Variants in PRR5L observed in about 807,000 individuals in gnomAD.
PRR5L encodes proline rich 5 like, also known as proline-rich protein 5-like.
Under a neutral mutation model 36.4 loss-of-function variants are expected in PRR5L, and 21 were observed. The ratio of observed to expected loss-of-function variants is 0.58; its 90% CI spans 0.41 to 0.83. The LOEUF (loss-of-function observed/expected upper bound fraction) is 0.83, where lower values mean the gene tolerates loss of function less well. Ranked by LOEUF, PRR5L falls within the 40% of genes least tolerant of loss-of-function variation. PRR5L has a pLI of 0.00. For synonymous variants in PRR5L, 188 were observed against 197.0 expected (o/e 0.95, Z 0.38); for missense variants, 381 against 473.3 (o/e 0.80, Z 1.81).
intron 3 of PRR5L, among the ~76,000 whole-genome samples, chr11:36,406,076 G>T (rs916492090): frequency 2.0e-5 from 3 of 151,710 alleles, no homozygotes; most frequent in African/African-American, 7.3e-5. Context: ...CTTATGTTGG[G>T]AGAAGGATTA....
chr11:36,401,333 G>T (rs755059207), intron 2 of PRR5L, 48 bp downstream of exon 2: 9 of 1,579,008 alleles, frequency 5.7e-6, no homozygotes, highest in Non-Finnish European at 7.7e-6. Context: ...AAGGGCCATG[G>T]CAGGGAGGGA....
Position 36,462,336 on chromosome 11 carries a change from T to C in PRR5L, c.713-6T>C. On this transcript the variant is annotated splice_region_variant and splice_polypyrimidine_tract_variant and intron_variant, in intron 8 of 8. Transcript: ENST00000530639. ...ATAACAGTCTTTGCTGATTTTTCTC[T>C]TGCAGCCAGGCGGCACTCCAGGGTC... 6.7e-7 allele frequency: 1 copy of C among 1,491,644 alleles called. No individual in the cohort carries two copies. The highest frequency in any genetic ancestry group is 8.9e-7 in the Non-Finnish European group (1 of 1,121,064). The allele number at this position is 1,491,644 out of a possible 1,614,324, so 92.4% of individuals were successfully genotyped here.
At chr11:36,440,706 G>A (rs331476) in intron 6 of PRR5L, among the ~76,000 whole-genome samples, 151,097 of 152,270 alleles carry the variant, frequency 0.99, 74,977 homozygotes, top group East Asian at 1. Flanking sequence ...GTAATTTATA[G>A]AGAAAAGAGG....
intron 1 of PRR5L, among the ~76,000 whole-genome samples, chr11:36,329,770 T>A (rs951206808): frequency 1.3e-5 from 2 of 152,226 alleles, no homozygotes; most frequent in Non-Finnish European, 2.9e-5. Context: ...CAGACTTCAC[T>A]TGTAGTCCCT....
chr11:36,408,959 A>G (rs1193176438), intron 3 of PRR5L, among the ~76,000 whole-genome samples: 1 of 152,116 alleles, frequency 6.6e-6, no homozygotes, highest in Admixed American at 6.5e-5. Context: ...TGCTCTGCCC[A>G]GTACTGGGCT....
At chr11:36,300,597 C>T (rs1489568963) in intron 1 of PRR5L, among the ~76,000 whole-genome samples, 2 of 151,992 alleles carry the variant, frequency 1.3e-5, no homozygotes, top group African/African-American at 4.8e-5. Context: ...CCTTCTAGCT[C>T]CCAGGAGGTA....
chr11:36,417,460 G>T (rs929016023), intron 3 of PRR5L, among the ~76,000 whole-genome samples: 1 of 152,180 alleles, frequency 6.6e-6, no homozygotes, highest in Non-Finnish European at 1.5e-5. Context: ...TCTTAGTCCA[G>T]TGGCTTTTGA....
At chr11:36,373,590 C>T (rs925518766) in intron 1 of PRR5L, among the ~76,000 whole-genome samples, 6 of 145,256 alleles carry the variant, frequency 4.1e-5, no homozygotes, top group African/African-American at 1.6e-4. Flanking sequence ...GAGAGCAAGA[C>T]TCTGTTTTAA....
rs1405497735 is a variant in PRR5L at position 36,341,054 on chromosome 11, C to T, written c.-126+44616C>T. Reference sequence around the variant, plus strand: ...GTAATCCATCTCCATCCCAGATTCTCTCCGGGAAAGGCAGGCAGATGGAGA... The same window carrying T: ...GTAATCCATCTCCATCCCAGATTCTTTCCGGGAAAGGCAGGCAGATGGAGA... On this transcript the variant is annotated intron_variant, in intron 1 of 8. Coordinates refer to ENST00000530639, the MANE Select transcript of PRR5L (RefSeq NM_001160167.2). Among the ~76,000 whole-genome samples, 11 of 152,164 alleles carry T rather than the reference C, an allele frequency of 7.2e-5. 1 individual carries two copies. Among genetic ancestry groups the T allele is most frequent in the Admixed American group, 7.2e-4 (11 of 15,276 alleles).
intron 1 of PRR5L, among the ~76,000 whole-genome samples, chr11:36,340,687 C>A (rs761450177): frequency 6.6e-6 from 1 of 152,162 alleles, no homozygotes; most frequent in Non-Finnish European, 1.5e-5. Context: ...TGTCTCTGCT[C>A]TAAAAGGAGA....
rs1246640372 is a variant in PRR5L at position 36,351,691 on chromosome 11, TTATA to T, written c.-125-49302_-125-49299del. On this transcript the variant is annotated intron_variant, in intron 1 of 8. Coordinates refer to ENST00000530639, the MANE Select transcript of PRR5L (RefSeq NM_001160167.2). ...TTTATATACTTATATATTTATATAT[TTATA>T]TATTTATATATTTATTTATATATTT... 6.5e-5 allele frequency among the ~76,000 whole-genome samples: 3 copies of T among 45,802 alleles called. 1 individual carries two copies. The highest frequency in any genetic ancestry group is 1.2e-4 in the Non-Finnish European group (3 of 25,142). The allele number at this position is 45,802 out of a possible 152,430, so 30.0% of individuals were successfully genotyped here. A position where few individuals can be genotyped will look rare whatever the true frequency, so the allele number is the denominator to read the frequency against.
intron 1 of PRR5L, among the ~76,000 whole-genome samples, chr11:36,352,347 T>C (rs1395265713): frequency 7.1e-6 from 1 of 140,018 alleles, no homozygotes; most frequent in East Asian, 2.0e-4. Context: ...CATTAGCCCT[T>C]TTTCAGATGT....
intron 1 of PRR5L, among the ~76,000 whole-genome samples, chr11:36,337,975 G>C (rs1856784694): frequency 6.6e-6 from 1 of 152,166 alleles, no homozygotes; most frequent in Non-Finnish European, 1.5e-5. Context: ...TGTGCCTCAT[G>C]ATCTAAGATG....
chr11:36,351,611 T>TTATATATTTATATATTTATATAAA (rs1565408945), intron 1 of PRR5L, among the ~76,000 whole-genome samples: 1,504 of 17,196 alleles, frequency 0.087, 335 homozygotes, highest in South Asian at 0.094. Flanking sequence ...AAATATATAT[T>TTATATATTTATATATTTATATAAA]TATATATTTA....
chr11:36,451,428 A>C (rs1858942990), intron 8 of PRR5L, 93 bp downstream of exon 8: 1 of 1,459,624 alleles, frequency 6.9e-7, no homozygotes, highest in African/African-American at 1.4e-5. Flanking sequence ...CACTGATACC[A>C]GCACTGTTTA....
chr11:36,455,816 A>T (rs1277063017), intron 8 of PRR5L, among the ~76,000 whole-genome samples: 1 of 152,194 alleles, frequency 6.6e-6, no homozygotes, highest in East Asian at 1.9e-4. Flanking sequence ...GTGGGGACAC[A>T]GCTGACGCAC....
chr11:36,333,283 G>T (rs953093366), intron 1 of PRR5L, among the ~76,000 whole-genome samples: 2 of 152,160 alleles, frequency 1.3e-5, no homozygotes, highest in East Asian at 3.8e-4. Context: ...TTCGCTGCTC[G>T]TGGGGATGGA....
intron 1 of PRR5L, among the ~76,000 whole-genome samples, chr11:36,342,121 C>T (rs1025272367): frequency 2.6e-5 from 4 of 152,234 alleles, no homozygotes; most frequent in South Asian, 4.1e-4. Context: ...CAAGGTGGGT[C>T]GGCAGAGGGA....
chr11:36,351,331 T>C (rs1421229651), intron 1 of PRR5L, among the ~76,000 whole-genome samples: 1 of 72,358 alleles, frequency 1.4e-5, no homozygotes, highest in Non-Finnish European at 2.3e-5. Flanking sequence ...TAAATATTTA[T>C]ATATATTTAT....
Sources: allele counts gnomAD v4.1 joint callset (sites outside exome capture counted in the v4.1 genomes callset), GRCh38; gene constraint gnomAD v4.1.1; transcripts MANE v1.5; gene names NCBI Gene and HGNC (gene_info 2026-07-23, HGNC 2026-07-21).